Variants in ANO4 observed in about 807,000 individuals in gnomAD.
The protein encoded by ANO4 is anoctamin-4.
In ANO4, 69 loss-of-function variants were observed where a neutral mutation model predicts 141.9. The ratio of observed to expected loss-of-function variants is 0.49; its 90% CI spans 0.40 to 0.59. The LOEUF is 0.59. Among genes scored for constraint, ANO4 ranks in the 20% least tolerant of loss-of-function variants. ANO4 has a pLI of 0.00. For missense variants in ANO4, 894 were observed against 1,162.2 expected, an observed-to-expected ratio of 0.77 and a Z score of 3.36; for synonymous variants, 350 against 394.3, an observed-to-expected ratio of 0.89 and a Z score of 1.33.
intron 1 of ANO4, among the ~76,000 whole-genome samples, chr12:100,719,643 G>A (rs2030770213): frequency 6.6e-6 from 1 of 152,182 alleles, no homozygotes; most frequent in Non-Finnish European, 1.5e-5. Context: ...TTAGCACAGG[G>A]GCTGCCAAGA....
At chr12:100,946,322 A>G (rs1402845626) in intron 5 of ANO4, among the ~76,000 whole-genome samples, 2 of 152,302 alleles carry the variant, frequency 1.3e-5, no homozygotes, top group African/African-American at 4.8e-5. Context: ...TAATAAGGGC[A>G]TTCGGGTTGC....
At chr12:100,781,662 A>G (rs993000630) in intron 3 of ANO4, among the ~76,000 whole-genome samples, 3 of 152,194 alleles carry the variant, frequency 2.0e-5, no homozygotes, top group Non-Finnish European at 2.9e-5. Flanking sequence ...GCGTATTTCT[A>G]TAGCTCTGGA....
chr12:101,057,708 T>C (rs1327146533), intron 14 of ANO4, among the ~76,000 whole-genome samples: 1 of 152,094 alleles, frequency 6.6e-6, no homozygotes, highest in Admixed American at 6.6e-5. Context: ...TTTTATGGGG[T>C]TGTTTGTATT....
intron 1 of ANO4, among the ~76,000 whole-genome samples, chr12:100,875,691 T>C (rs1273905740): frequency 2.6e-5 from 4 of 152,228 alleles, no homozygotes; most frequent in Non-Finnish European, 5.9e-5. Context: ...ATTACTGATA[T>C]ATTTTAAAGG....
At chr12:100,952,096 T>A (rs2042993241) in intron 5 of ANO4, among the ~76,000 whole-genome samples, 1 of 152,216 alleles carries the variant, frequency 6.6e-6, no homozygotes, top group Admixed American at 6.5e-5. Context: ...GCTTCCATTC[T>A]TTTATCCATG....
chr12:101,079,237 G>A lies in ANO4; in HGVS notation c.1357G>A (p.Ala453Thr), dbSNP rs760500711. 1.2e-6 allele frequency: 2 copies of A among 1,613,940 alleles called. No homozygotes were observed. The highest frequency in any genetic ancestry group is 2.2e-5 in the East Asian group (1 of 44,868). ...TTGGAAAAGACGGCGAGCAGTAATTGCTTATGACTGGGATTTGATAGACTG... is the reference window on the plus strand; with the variant it reads ...TTGGAAAAGACGGCGAGCAGTAATTACTTATGACTGGGATTTGATAGACTG... ...EFWKRRRAVIAYDWDLIDWEE... is the reference protein window; with the variant it reads ...EFWKRRRAVITYDWDLIDWEE... The change falls in exon 15 of 28, where the codon GCT becomes ACT. Residue 453 changes from alanine to threonine, a missense_variant. Coordinates refer to ENST00000392977, the MANE Select transcript of ANO4 (RefSeq NM_001286615.2).
chr12:100,836,668 T>C (rs1441890516), intron 1 of ANO4, among the ~76,000 whole-genome samples: 2 of 152,074 alleles, frequency 1.3e-5, no homozygotes, highest in Non-Finnish European at 2.9e-5. Flanking sequence ...AATGAGGTCA[T>C]AGGCAATGCT....
chr12:100,735,957 TTG>T (rs1381392017), intron 2 of ANO4, among the ~76,000 whole-genome samples: 4 of 152,072 alleles, frequency 2.6e-5, no homozygotes, highest in African/African-American at 9.7e-5. Context: ...AATTAGTACG[TTG>T]TGTGTGTTTG....
chr12:101,117,152 T>G (rs1273042987), intron 25 of ANO4, among the ~76,000 whole-genome samples: 2 of 152,182 alleles, frequency 1.3e-5, no homozygotes, highest in Non-Finnish European at 2.9e-5. Context: ...TGAGGGCACT[T>G]GTCTTTGTTC....
At chr12:100,978,022 T>C (rs907820761) in intron 7 of ANO4, among the ~76,000 whole-genome samples, 1 of 152,178 alleles carries the variant, frequency 6.6e-6, no homozygotes, top group African/African-American at 2.4e-5. Flanking sequence ...CAAAACTCAG[T>C]CCACATTTTT....
At chr12:100,953,196 C>T (rs1005489517) in intron 5 of ANO4, among the ~76,000 whole-genome samples, 2 of 152,166 alleles carry the variant, frequency 1.3e-5, no homozygotes, top group Non-Finnish European at 2.9e-5. Flanking sequence ...GATACTTTTG[C>T]TCCTGCTGTT....
intron 3 of ANO4, among the ~76,000 whole-genome samples, chr12:100,748,995 A>G (rs1459347184): frequency 6.6e-6 from 1 of 152,184 alleles, no homozygotes; most frequent in Non-Finnish European, 1.5e-5. Flanking sequence ...GGGCATTTTT[A>G]TGCATTTTGG....
At chr12:101,118,922 G>T (rs955522659) in intron 25 of ANO4, among the ~76,000 whole-genome samples, 2 of 135,086 alleles carry the variant, frequency 1.5e-5, no homozygotes, top group Admixed American at 1.8e-4. Context: ...CTGTGTCCAA[G>T]TGTTCTCATT....
At chr12:100,734,978 T>A (rs953879153) in intron 2 of ANO4, among the ~76,000 whole-genome samples, 2 of 152,216 alleles carry the variant, frequency 1.3e-5, no homozygotes, top group African/African-American at 4.8e-5. Context: ...TGAAATGCAG[T>A]CACTGCTTGT....
At chr12:100,862,518 C>T (rs568617288) in intron 1 of ANO4, among the ~76,000 whole-genome samples, 8 of 152,210 alleles carry the variant, frequency 5.3e-5, no homozygotes, top group South Asian at 2.1e-4. Flanking sequence ...GATGGGATTT[C>T]GCCATGTTGA....
rs891388880 is a variant in ANO4, at chr12:100,738,971, C to T, written c.107-883C>T. Among the ~76,000 whole-genome samples, 5 of 150,052 alleles carry T rather than the reference C, an allele frequency of 3.3e-5. No homozygotes were observed. The South Asian group carries it at 1.0e-3, about 31-fold the overall frequency. On this transcript the variant is annotated intron_variant, in intron 2 of 29. Transcript: ENST00000644049. ...TACTTACGTCTTCTGATCCTCCTTGCTCCTGGTAATCACCGGTCCACTCTT... is the reference window on the plus strand; with the variant it reads ...TACTTACGTCTTCTGATCCTCCTTGTTCCTGGTAATCACCGGTCCACTCTT...
In ANO4 at chr12:100,974,869, C is replaced by T. The variant is rs2044094260; in HGVS notation, c.582C>T (p.Arg194=). The change falls in exon 7 of 28, where the codon CGC becomes CGT. Residue 194 remains arginine (R), a synonymous_variant. Coordinates refer to ENST00000392977, the MANE Select transcript of ANO4 (RefSeq NM_001286615.2). The stretch of plus-strand genomic sequence containing the variant: ...GGAGAAAAATCTATTACCTGCCCCG[C>T]CGTTACAAGTTCATGAGCAGGTTAG... ...PFRRKIYYLP[R]RYKFMSRIDK... is the part of the protein sequence containing the mutation. 1 of 1,614,106 alleles carries T rather than the reference C, an allele frequency of 6.2e-7. No homozygotes were observed.
In ANO4 at chr12:101,043,116, A is replaced by G. The variant is rs528262004; in HGVS notation, c.1155-423A>G. Among the ~76,000 whole-genome samples, 27 of 152,358 alleles carry G rather than the reference A, an allele frequency of 1.8e-4. No homozygotes were observed. In the South Asian group the frequency reaches 2.3e-3, roughly 13 times the overall value. On this transcript the variant is annotated intron_variant, in intron 12 of 27. Coordinates refer to ENST00000392977, the MANE Select transcript of ANO4 (RefSeq NM_001286615.2). ...TATAGTTTTCCCCCAGGATAGGGCTAGAATCTCTAGTCATTTATGTTTTGT... is the reference window on the plus strand; with the variant it reads ...TATAGTTTTCCCCCAGGATAGGGCTGGAATCTCTAGTCATTTATGTTTTGT...
At chr12:100,879,465 G>A (rs2039465479) in intron 1 of ANO4, among the ~76,000 whole-genome samples, 1 of 152,164 alleles carries the variant, frequency 6.6e-6, no homozygotes, top group South Asian at 2.1e-4. Flanking sequence ...AAAATTGGGA[G>A]ACCCTCAGGG....
Sources: allele counts gnomAD v4.1 joint callset (sites outside exome capture counted in the v4.1 genomes callset), GRCh38; gene constraint gnomAD v4.1.1; transcripts MANE v1.5; gene names NCBI Gene and HGNC (gene_info 2026-07-23, HGNC 2026-07-21).